The following AKT3 variants were observed in gnomAD, a reference collection of about 807,000 sequenced individuals.
AKT3 encodes AKT serine/threonine kinase 3, also known as RAC-gamma serine/threonine-protein kinase.
Under a neutral mutation model 65.3 loss-of-function variants are expected in AKT3, and 15 were observed. The ratio of observed to expected loss-of-function variants is 0.23; its 90% CI spans 0.15 to 0.35. AKT3 has a LOEUF of 0.35. AKT3 is among the 10% of genes least tolerant of loss of function. The pLI is 1.00. For missense variants in AKT3, 243 were observed against 576.5 expected, an observed-to-expected ratio of 0.42 and a Z score of 5.92; for synonymous variants, 206 against 183.8, an observed-to-expected ratio of 1.12 and a Z score of -0.98.
intron 2 of AKT3, among the ~76,000 whole-genome samples, chr1:243,799,997 T>C (rs1475147191): frequency 3.9e-5 from 6 of 152,198 alleles, no homozygotes; most frequent in African/African-American, 1.4e-4. Flanking sequence ...TCCTTTTTTT[T>C]TAGCTCTTAT....
intron 2 of AKT3, among the ~76,000 whole-genome samples, chr1:243,743,848 C>T (rs749240792): frequency 4.6e-5 from 7 of 152,094 alleles, no homozygotes; most frequent in African/African-American, 9.7e-5. Context: ...CCCATCTCTA[C>T]CAACAATATC....
chr1:243,505,429 T>C (rs1669603405), intron 13 of AKT3, 95 bp from the exon 14 acceptor site: 1 of 1,040,746 alleles, frequency 9.6e-7, no homozygotes, highest in Non-Finnish European at 1.5e-6. Context: ...ATAGGAAAGA[T>C]GAACAGAGGC....
chr1:243,585,373 G>T (rs1426207006), intron 8 of AKT3, among the ~76,000 whole-genome samples: 2 of 150,898 alleles, frequency 1.3e-5, no homozygotes, highest in African/African-American at 4.9e-5. Flanking sequence ...ATTTTTCACA[G>T]AACTGGAAAA....
intron 2 of AKT3, among the ~76,000 whole-genome samples, chr1:243,830,501 G>A (rs990339190): frequency 1.3e-5 from 2 of 152,060 alleles, no homozygotes; most frequent in Non-Finnish European, 2.9e-5. Flanking sequence ...TAGCAATCTC[G>A]AAAAATCCGA....
chr1:243,567,767 A>C (rs1674273873), intron 9 of AKT3, among the ~76,000 whole-genome samples: 1 of 152,176 alleles, frequency 6.6e-6, no homozygotes, highest in Admixed American at 6.5e-5. Context: ...TTAAAAAATA[A>C]TATCCCCAAA....
intron 2 of AKT3, among the ~76,000 whole-genome samples, chr1:243,716,266 G>C (rs1400506624): frequency 6.6e-6 from 1 of 152,058 alleles, no homozygotes; most frequent in Non-Finnish European, 1.5e-5. Flanking sequence ...TGATCCTAGT[G>C]GGTCTGGTAA....
chr1:243,758,386 G>A, intron 2 of AKT3, among the ~76,000 whole-genome samples: 1 of 152,314 alleles, frequency 6.6e-6, no homozygotes. Context: ...ATACCTGTGG[G>A]AAAGAGTTTT....
intron 11 of AKT3, among the ~76,000 whole-genome samples, chr1:243,552,115 C>A (rs1673114519): frequency 6.6e-6 from 1 of 151,752 alleles, no homozygotes; most frequent in Non-Finnish European, 1.5e-5. Context: ...CTTGGCAAAA[C>A]CCCGTCTCTA....
intron 5 of AKT3, among the ~76,000 whole-genome samples, chr1:243,641,258 GTA>G (rs74162300): frequency 7.1e-4 from 100 of 141,154 alleles, no homozygotes; most frequent in African/African-American, 2.0e-3. Context: ...ATGTGTGTGT[GTA>G]TATATATATA....
chr1:243,635,729 A>C (rs114279961), intron 6 of AKT3, among the ~76,000 whole-genome samples: 1,551 of 152,098 alleles, frequency 0.01, 29 homozygotes, highest in African/African-American at 0.036. Context: ...AAAGTGAAGA[A>C]ACACAGTAGA....
intron 2 of AKT3, among the ~76,000 whole-genome samples, chr1:243,825,250 C>G (rs1313186977): frequency 6.6e-6 from 1 of 152,052 alleles, no homozygotes. Context: ...TGTGGCCTGT[C>G]AGGGATGAGG....
In AKT3 at chr1:243,695,167, G is replaced by A. The variant is rs937192194; in HGVS notation, c.172+424C>T. On this transcript the variant is annotated intron_variant, in intron 3 of 13. Transcript: ENST00000673466. Reference sequence around the variant, plus strand: ...CTACGAACATAAAATCTCCCCAGAAGATGATTTCTAATATAAATCACCTGT... The same window carrying A: ...CTACGAACATAAAATCTCCCCAGAAAATGATTTCTAATATAAATCACCTGT... Among the ~76,000 whole-genome samples, 11 of 152,002 alleles carry A rather than the reference G, an allele frequency of 7.2e-5. No homozygotes were observed. In the South Asian group the frequency reaches 1.9e-3, roughly 26 times the overall value.
intron 4 of AKT3, among the ~76,000 whole-genome samples, chr1:243,652,770 G>GC (rs1491342333): frequency 0.019 from 62 of 3,204 alleles, no homozygotes; most frequent in African/African-American, 0.043. Flanking sequence ...CAAATAGAAA[G>GC]CAAAAAAAAA....
intron 2 of AKT3, among the ~76,000 whole-genome samples, chr1:243,786,375 T>TA (rs931577021): frequency 8.5e-5 from 13 of 152,126 alleles, no homozygotes; most frequent in East Asian, 7.7e-4. Flanking sequence ...TACAAGTTTG[T>TA]AAAAAAAGAA....
intron 1 of AKT3, among the ~76,000 whole-genome samples, 178 bp downstream of exon 1, chr1:243,849,862 G>A (rs1461043597): frequency 6.6e-6 from 1 of 151,782 alleles, no homozygotes; most frequent in African/African-American, 2.4e-5. Flanking sequence ...CGAAGCCTCC[G>A]GTGACCCAGC....
chr1:243,542,493 C>T (rs906891511), intron 12 of AKT3, among the ~76,000 whole-genome samples: 2 of 151,884 alleles, frequency 1.3e-5, no homozygotes, highest in African/African-American at 4.8e-5. Flanking sequence ...CATCACCTCT[C>T]GATGTGCAGC....
At chr1:243,760,871 T>C (rs1254525036) in intron 2 of AKT3, among the ~76,000 whole-genome samples, 6 of 152,214 alleles carry the variant, frequency 3.9e-5, no homozygotes, top group African/African-American at 7.2e-5. Context: ...GCATGAGTTA[T>C]AGTGTTCATG....
In AKT3 at chr1:243,815,704, T is replaced by C. The variant is rs1693470331; in HGVS notation, c.46+27421A>G. 2.6e-5 allele frequency among the ~76,000 whole-genome samples: 4 copies of C among 151,706 alleles called. No homozygotes were observed. The South Asian group carries it at 8.3e-4, about 32-fold the overall frequency. On this transcript the variant is annotated intron_variant, in intron 2 of 13. Coordinates refer to ENST00000673466, the MANE Select transcript of AKT3 (RefSeq NM_005465.7). ...CCCCCACCTCCCAGGCTCAAGAACT[T>C]AGAGATAGCGATCCTCCCACCTCAG...
Position 243,491,610 on chromosome 1 carries a change from G to T in AKT3, c.*7-3160C>A, listed in dbSNP as rs563159942. ...GCCTGGCCTTCACCTCTAGGTAGGG[G>T]CTGTCAGTGGGCTTCAGCCTCTGCG... is the stretch of plus-strand genomic sequence containing the variant. On this transcript the variant is annotated intron_variant, in intron 13 of 13. Coordinates refer to the AKT3 transcript ENST00000336199. Among the ~76,000 whole-genome samples the T allele has an allele frequency of 4.1e-4, 62 of 152,336 alleles. 1 individual carries two copies. In the Middle Eastern group the frequency reaches 0.027, roughly 67 times the overall value.
Sources: gnomAD v4.1 joint callset for allele counts (sites outside exome capture counted in the v4.1 genomes callset) on GRCh38, gnomAD v4.1.1 for gene constraint, MANE v1.5 for transcripts, NCBI Gene and HGNC (gene_info 2026-07-23, HGNC 2026-07-21) for gene names.